IMMP2L: variants seen among roughly 807,000 people sequenced by gnomAD.
IMMP2L encodes inner mitochondrial membrane peptidase subunit 2.
IMMP2L carries 18 observed loss-of-function variants against 19.3 expected under a neutral mutation model. The ratio of observed to expected loss-of-function variants is 0.93; its 90% CI spans 0.64 to 1.38. The LOEUF (loss-of-function observed/expected upper bound fraction) is 1.38, where lower values mean the gene tolerates loss of function less well. IMMP2L is among the 40% of genes most tolerant of loss of function. The probability of loss-of-function intolerance (pLI) is 0.00; values close to 1 mark genes in which losing one functional copy is unlikely to be tolerated. For missense variants in IMMP2L, 233 were observed against 218.2 expected, an observed-to-expected ratio of 1.07 and a Z score of -0.43; for synonymous variants, 76 against 73.0, an observed-to-expected ratio of 1.04 and a Z score of -0.21.
intron 5 of IMMP2L, among the ~76,000 whole-genome samples, chr7:110,832,800 G>A (rs1025102311): frequency 6.6e-6 from 1 of 152,070 alleles, no homozygotes; most frequent in Non-Finnish European, 1.5e-5. Context: ...GGAGAATTCA[G>A]GTTTCTCTGA....
intron 4 of IMMP2L, among the ~76,000 whole-genome samples, chr7:110,947,496 G>A (rs1817380987): frequency 6.6e-6 from 1 of 152,128 alleles, no homozygotes; most frequent in African/African-American, 2.4e-5. Context: ...TCCATTAAAG[G>A]TCACCTTACT....
At chr7:111,316,845 C>CTTTT (rs869155077) in intron 3 of IMMP2L, among the ~76,000 whole-genome samples, 50 of 75,898 alleles carry the variant, frequency 6.6e-4, no homozygotes, top group East Asian at 9.0e-4. Context: ...TTTTTTTTTT[C>CTTTT]TTTTTTTTTT....
At chr7:111,160,308 A>C (rs77411024) in intron 3 of IMMP2L, among the ~76,000 whole-genome samples, 8,185 of 152,136 alleles carry the variant, frequency 0.054, 386 homozygotes, top group African/African-American at 0.12. Context: ...TGCTATACAT[A>C]GGAAAAAGGA....
intron 3 of IMMP2L, among the ~76,000 whole-genome samples, chr7:111,082,546 A>G (rs1795971952): frequency 6.6e-6 from 1 of 152,166 alleles, no homozygotes; most frequent in Non-Finnish European, 1.5e-5. Flanking sequence ...CTATTCAGAG[A>G]GTGTTCAGAC....
At chr7:111,433,446 G>A (rs1836836933) in intron 3 of IMMP2L, among the ~76,000 whole-genome samples, 2 of 151,786 alleles carry the variant, frequency 1.3e-5, no homozygotes, top group African/African-American at 4.9e-5. Context: ...GAGAAATGAT[G>A]AGGAAGACAT....
At chr7:110,946,718 CTTT>C (rs754971058) in intron 4 of IMMP2L, among the ~76,000 whole-genome samples, 1 of 114,172 alleles carries the variant, frequency 8.8e-6, no homozygotes, top group Non-Finnish European at 1.7e-5. Context: ...CATTTAATAC[CTTT>C]TTTTTTTTTT....
intron 3 of IMMP2L, among the ~76,000 whole-genome samples, chr7:111,031,731 T>C (rs981476191): frequency 5.9e-5 from 9 of 152,110 alleles, no homozygotes; most frequent in African/African-American, 2.2e-4. Flanking sequence ...GACTATCTTC[T>C]GAAAATTATA....
rs183208319 is a variant in IMMP2L, at chr7:111,066,500, G to A, written c.240-102935C>T. Among the ~76,000 whole-genome samples the A allele has an allele frequency of 5.3e-5, 8 of 152,312 alleles. No individual in the cohort carries two copies. In the East Asian group the frequency reaches 1.5e-3, roughly 29 times the overall value. The stretch of plus-strand genomic sequence containing the variant: ...ATGGATGAAAGAAATTGCTTCAGAA[G>A]ATAACGTTTAAAATAGACGGGAACT... On this transcript the variant is annotated intron_variant, in intron 3 of 5. Coordinates refer to ENST00000405709, the MANE Select transcript of IMMP2L (RefSeq NM_032549.4).
chr7:111,004,785 T>C (rs1824120631), intron 3 of IMMP2L, among the ~76,000 whole-genome samples: 2 of 152,314 alleles, frequency 1.3e-5, no homozygotes, highest in South Asian at 2.1e-4. Context: ...TTTCTGTTAC[T>C]GTATGCTATG....
intron 5 of IMMP2L, among the ~76,000 whole-genome samples, chr7:110,683,582 A>AT (rs1196425360): frequency 6.6e-6 from 1 of 152,072 alleles, no homozygotes; most frequent in African/African-American, 2.4e-5. Context: ...TATCATACAG[A>AT]TTTTTGCTAC....
chr7:110,863,208 A>G (rs2129543019), intron 5 of IMMP2L, among the ~76,000 whole-genome samples: 1 of 152,124 alleles, frequency 6.6e-6, no homozygotes, highest in Non-Finnish European at 1.5e-5. Context: ...TTATAATAAC[A>G]CCAGTTTATT....
At position 110,686,685 on chromosome 7, in the gene IMMP2L, A is replaced by G. The variant is rs147137167; in HGVS notation, c.409-22964T>C. Reference sequence around the variant, plus strand: ...CACCACCCTCATTTCTAATTAGTTTACAGATTTTTTCTTGCTTGAATCCAT... The same window carrying G: ...CACCACCCTCATTTCTAATTAGTTTGCAGATTTTTTCTTGCTTGAATCCAT... On this transcript the variant is annotated intron_variant, in intron 5 of 5. Transcript: ENST00000405709. Among the ~76,000 whole-genome samples, 491 of 152,082 alleles carry G rather than the reference A, an allele frequency of 3.2e-3. 3 individuals carry two copies. Among genetic ancestry groups the G allele is most frequent in the African/African-American group, 0.011 (466 of 41,500 alleles).
intron 3 of IMMP2L, among the ~76,000 whole-genome samples, chr7:111,139,777 T>G (rs141159031): frequency 8.5e-4 from 130 of 152,298 alleles, no homozygotes; most frequent in African/African-American, 2.9e-3. Context: ...TATTTTGAGC[T>G]AGGAAAAGAG....
chr7:111,509,597 G>C (rs1265321729), intron 2 of IMMP2L, among the ~76,000 whole-genome samples: 1 of 152,054 alleles, frequency 6.6e-6, no homozygotes, highest in Admixed American at 6.6e-5. Context: ...AAATATCAGA[G>C]GGCATTGCAC....
chr7:111,545,635 C>T lies in IMMP2L; in HGVS notation c.-3+16216G>A, dbSNP rs2133027222. 1.3e-5 allele frequency among the ~76,000 whole-genome samples: 2 copies of T among 152,222 alleles called. 1 individual carries two copies. The highest frequency in any genetic ancestry group is 4.1e-4 in the South Asian group (2 of 4,820). ...TCCTGAACTCAGGTGATCCACCTGC[C>T]CTAGCCTCTCAAATTATATACTGTG... On this transcript the variant is annotated intron_variant, in intron 1 of 5. Transcript: ENST00000405709.
At chr7:111,016,950 G>A (rs1230765008) in intron 3 of IMMP2L, among the ~76,000 whole-genome samples, 1 of 103,932 alleles carries the variant, frequency 9.6e-6, no homozygotes, top group South Asian at 2.7e-4. Flanking sequence ...TTACATATAT[G>A]ATATATAATT....
At chr7:110,864,804 T>C (rs965066020) in intron 5 of IMMP2L, among the ~76,000 whole-genome samples, 18 of 152,034 alleles carry the variant, frequency 1.2e-4, no homozygotes, top group Admixed American at 1.2e-3. Context: ...ATATTCCTAA[T>C]TTCAAATCAG....
intron 3 of IMMP2L, among the ~76,000 whole-genome samples, chr7:111,311,827 T>G (rs1038080884): frequency 5.9e-5 from 9 of 152,156 alleles, no homozygotes; most frequent in Admixed American, 5.9e-4. Flanking sequence ...CTCTGGCTCT[T>G]CCACCCATTA....
chr7:111,384,313 A>G (rs1380016763), intron 3 of IMMP2L, among the ~76,000 whole-genome samples: 1 of 150,204 alleles, frequency 6.7e-6, no homozygotes, highest in African/African-American at 2.5e-5. Flanking sequence ...GGAGGAGGGA[A>G]AAGGAGAAGG....
Sources: gnomAD v4.1 joint callset for allele counts (sites outside exome capture counted in the v4.1 genomes callset) on GRCh38, gnomAD v4.1.1 for gene constraint, MANE v1.5 for transcripts, NCBI Gene and HGNC (gene_info 2026-07-23, HGNC 2026-07-21) for gene names.